Variants in STXBP5L observed in about 807,000 individuals in gnomAD.
The protein encoded by STXBP5L is syntaxin binding protein 5L, also known as syntaxin-binding protein 5-like.
Under a neutral mutation model 144.5 loss-of-function variants are expected in STXBP5L, and 65 were observed. The observed-to-expected ratio is 0.45, with a 90% CI of 0.37 to 0.55. STXBP5L has a LOEUF of 0.55. Among genes scored for constraint, STXBP5L ranks in the 20% least tolerant of loss-of-function variants. The pLI is 0.00. For synonymous variants in STXBP5L, 505 were observed against 469.6 expected (o/e 1.08, Z -0.97); for missense variants, 1,298 against 1,405.5 (o/e 0.92, Z 1.22).
chr3:121,238,327 G>A (rs1199172824), intron 12 of STXBP5L, among the ~76,000 whole-genome samples: 1 of 152,108 alleles, frequency 6.6e-6, no homozygotes, highest in East Asian at 1.9e-4. Context: ...GAAGAAACAA[G>A]TGAGAAGGAG....
intron 20 of STXBP5L, among the ~76,000 whole-genome samples, chr3:121,362,016 G>A (rs1161592433): frequency 6.6e-6 from 1 of 152,232 alleles, no homozygotes; most frequent in African/African-American, 2.4e-5. Flanking sequence ...CCCAAGCCCA[G>A]TAGTGCTATA....
chr3:121,021,318 G>A (rs908409552), intron 3 of STXBP5L, among the ~76,000 whole-genome samples: 5 of 152,118 alleles, frequency 3.3e-5, no homozygotes, highest in Non-Finnish European at 5.9e-5. Context: ...CAATAATAGT[G>A]TGGGACTTTA....
At chr3:121,272,548 G>T (rs1335615564) in intron 18 of STXBP5L, among the ~76,000 whole-genome samples, 1 of 152,084 alleles carries the variant, frequency 6.6e-6, no homozygotes, top group Admixed American at 6.6e-5. Flanking sequence ...CATATAGTTG[G>T]ATCTTAATTT....
intron 10 of STXBP5L, among the ~76,000 whole-genome samples, chr3:121,210,547 G>A (rs1020785456): frequency 5.9e-5 from 9 of 152,050 alleles, no homozygotes; most frequent in Non-Finnish European, 8.8e-5. Flanking sequence ...TTTCTTCTAG[G>A]GTTTTTATGG....
intron 9 of STXBP5L, among the ~76,000 whole-genome samples, chr3:121,200,729 A>G (rs907720186): frequency 2.8e-4 from 42 of 151,918 alleles, no homozygotes; most frequent in African/African-American, 9.7e-4. Flanking sequence ...TTCTGCCTTA[A>G]TTTTGTTATT....
In STXBP5L at chr3:120,987,617, C is replaced by T. The variant is rs1942412264; in HGVS notation, c.287+32580C>T. On this transcript the variant is annotated intron_variant, in intron 3 of 26. Transcript: ENST00000471454. Reference sequence around the variant, plus strand: ...GGGTTCTTCACAGAGGACGGCTTATCAGTTTTTTAAAAAATAGATTGTGCT... The same window carrying T: ...GGGTTCTTCACAGAGGACGGCTTATTAGTTTTTTAAAAAATAGATTGTGCT... 2.0e-5 allele frequency among the ~76,000 whole-genome samples: 3 copies of T among 151,820 alleles called. No homozygotes were observed. The South Asian group carries it at 6.2e-4, about 31-fold the overall frequency.
intron 10 of STXBP5L, among the ~76,000 whole-genome samples, chr3:121,215,646 A>G (rs1046680063): frequency 2.0e-5 from 3 of 152,004 alleles, no homozygotes; most frequent in Admixed American, 6.6e-5. Context: ...TTTTTCCTTC[A>G]TCTCAACTTT....
At chr3:121,293,126 G>A (rs2051508058) in intron 19 of STXBP5L, among the ~76,000 whole-genome samples, 1 of 152,140 alleles carries the variant, frequency 6.6e-6, no homozygotes, top group African/African-American at 2.4e-5. Flanking sequence ...ATGGTGCTCT[G>A]CTCCGCAATA....
intron 3 of STXBP5L, among the ~76,000 whole-genome samples, chr3:120,972,470 A>T (rs1427666613): frequency 1.3e-5 from 2 of 152,052 alleles, no homozygotes; most frequent in African/African-American, 4.8e-5. Flanking sequence ...AGTCTTTTGG[A>T]GGAGCATTTA....
At chr3:121,184,556 G>C (rs1327139634) in intron 9 of STXBP5L, among the ~76,000 whole-genome samples, 3 of 151,944 alleles carry the variant, frequency 2.0e-5, no homozygotes, top group African/African-American at 7.3e-5. Context: ...CAAGAAATAC[G>C]GGACTGTGTG....
At chr3:121,276,072 CT>C (rs796511407) in intron 18 of STXBP5L, among the ~76,000 whole-genome samples, 126 of 148,418 alleles carry the variant, frequency 8.5e-4, no homozygotes, top group African/African-American at 2.8e-3. Context: ...CCCACTCCCC[CT>C]TTTTTTTTTC....
intron 3 of STXBP5L, among the ~76,000 whole-genome samples, chr3:120,979,298 A>C (rs1469328831): frequency 6.6e-6 from 1 of 152,164 alleles, no homozygotes; most frequent in Non-Finnish European, 1.5e-5. Context: ...GTTTGATCTC[A>C]GACTGCTGTG....
intron 4 of STXBP5L, among the ~76,000 whole-genome samples, chr3:121,042,826 C>T (rs1278406843): frequency 6.6e-6 from 1 of 151,874 alleles, no homozygotes; most frequent in African/African-American, 2.4e-5. Flanking sequence ...GGCACACTTG[C>T]TATGGGGTAC....
At chr3:121,012,420 C>T (rs761016265) in intron 3 of STXBP5L, among the ~76,000 whole-genome samples, 1 of 151,846 alleles carries the variant, frequency 6.6e-6, no homozygotes. Flanking sequence ...CATGGTTTCA[C>T]ATTCCCACCA....
At chr3:121,289,280 T>C (rs559743694) in intron 19 of STXBP5L, among the ~76,000 whole-genome samples, 3 of 152,024 alleles carry the variant, frequency 2.0e-5, no homozygotes, top group Non-Finnish European at 4.4e-5. Context: ...TTAAAGAATG[T>C]CCCTTCTTGT....
At chr3:121,381,220 T>C in intron 21 of STXBP5L, 73 bp from the exon 22 acceptor site, 1 of 1,396,546 alleles carries the variant, frequency 7.2e-7, no homozygotes, top group Non-Finnish European at 9.7e-7. Flanking sequence ...TTTTGATTTA[T>C]ATATATTAAA....
chr3:120,990,840 T>G (rs918933110), intron 3 of STXBP5L, among the ~76,000 whole-genome samples: 26 of 152,174 alleles, frequency 1.7e-4, no homozygotes. Context: ...CAAGATGGAT[T>G]AAAGACTTAA....
chr3:121,349,514 G>C (rs1295283820), intron 20 of STXBP5L, among the ~76,000 whole-genome samples: 3 of 151,966 alleles, frequency 2.0e-5, no homozygotes, highest in South Asian at 4.2e-4. Context: ...GGATATCCTT[G>C]TTAACTTTCT....
intron 20 of STXBP5L, among the ~76,000 whole-genome samples, chr3:121,328,285 TAC>T (rs1007029055): frequency 2.0e-5 from 3 of 152,252 alleles, no homozygotes; most frequent in African/African-American, 7.2e-5. Context: ...CTAAGGGCTT[TAC>T]ACACATTCCT....
Sources: gnomAD v4.1 joint callset for allele counts (sites outside exome capture counted in the v4.1 genomes callset) on GRCh38, gnomAD v4.1.1 for gene constraint, MANE v1.5 for transcripts, NCBI Gene and HGNC (gene_info 2026-07-23, HGNC 2026-07-21) for gene names.